RUNX2: variants seen among roughly 807,000 people sequenced by gnomAD.
The protein encoded by RUNX2 is RUNX family transcription factor 2.
RUNX2 carries 10 observed loss-of-function variants against 51.7 expected under a neutral mutation model. The ratio of observed to expected loss-of-function variants is 0.19; its 90% CI spans 0.12 to 0.33. RUNX2 has a LOEUF of 0.33. RUNX2 is among the 10% of genes least tolerant of loss of function. The pLI, the probability that RUNX2 is intolerant of heterozygous loss-of-function variation, is 1.00. For synonymous variants in RUNX2, 276 were observed against 273.6 expected, an observed-to-expected ratio of 1.01 and a Z score of -0.09; for missense variants, 562 against 691.3, an observed-to-expected ratio of 0.81 and a Z score of 2.10.
At chr6:45,542,061 T>A (rs1169183430) in intron 7 of RUNX2, among the ~76,000 whole-genome samples, 1 of 151,554 alleles carries the variant, frequency 6.6e-6, no homozygotes, top group African/African-American at 2.4e-5. Flanking sequence ...GAGCCAAACG[T>A]GACTCAGGAT....
intron 2 of RUNX2, among the ~76,000 whole-genome samples, chr6:45,333,002 T>TA (rs1787819388): frequency 6.6e-6 from 1 of 151,660 alleles, no homozygotes; most frequent in Non-Finnish European, 1.5e-5. Context: ...AAAACTCCCA[T>TA]AATAAAGATA....
intron 7 of RUNX2, among the ~76,000 whole-genome samples, chr6:45,539,554 T>G (rs1396194783): frequency 1.3e-5 from 2 of 152,214 alleles, no homozygotes; most frequent in Non-Finnish European, 2.9e-5. Context: ...TGATGGATAG[T>G]TGGTCATTTT....
At chr6:45,336,186 A>C (rs908559079) in intron 2 of RUNX2, among the ~76,000 whole-genome samples, 6 of 150,486 alleles carry the variant, frequency 4.0e-5, no homozygotes, top group African/African-American at 1.5e-4. Flanking sequence ...AGGAAAACTT[A>C]ACATTTTAAA....
intron 7 of RUNX2, among the ~76,000 whole-genome samples, chr6:45,539,699 C>T (rs749501060): frequency 6.6e-6 from 1 of 152,090 alleles, no homozygotes; most frequent in Non-Finnish European, 1.5e-5. Context: ...GCATTTCTAC[C>T]TCTGTCGTGT....
chr6:45,430,276 A>G (rs1220130336), intron 3 of RUNX2, among the ~76,000 whole-genome samples: 1 of 152,108 alleles, frequency 6.6e-6, no homozygotes, highest in Admixed American at 6.6e-5. Context: ...TAAAGTAGTC[A>G]TAGACCATTA....
rs1798550367 is a variant in RUNX2 at position 45,431,843 on chromosome 6, G to A, written c.424-20G>A. 4 of 1,613,646 alleles carry A rather than the reference G, an allele frequency of 2.5e-6. No individual in the cohort carries two copies. Among genetic ancestry groups the A allele is most frequent in the South Asian group, 1.1e-5 (1 of 91,066 alleles). On this transcript the variant is annotated intron_variant, in intron 3 of 8. Coordinates refer to ENST00000647337, the MANE Select transcript of RUNX2 (RefSeq NM_001024630.4). ...TTTCTGATGTGCCATTATTGCTGCT[G>A]TGTTTCCTGTTTTATGTAGGTGGTA...
At chr6:45,485,898 C>T (rs1447759811) in intron 5 of RUNX2, among the ~76,000 whole-genome samples, 1 of 151,388 alleles carries the variant, frequency 6.6e-6, no homozygotes. Flanking sequence ...TCAATTGCTC[C>T]CCTGCACTTC....
chr6:45,433,288 A>T (rs1383603770), intron 4 of RUNX2, among the ~76,000 whole-genome samples: 1 of 152,186 alleles, frequency 6.6e-6, no homozygotes, highest in African/African-American at 2.4e-5. Context: ...AGAAGAAAAA[A>T]AGACACATCC....
intron 5 of RUNX2, among the ~76,000 whole-genome samples, chr6:45,441,457 T>TTC (rs1798840603): frequency 6.6e-6 from 1 of 152,236 alleles, no homozygotes. Context: ...TGATAATACC[T>TTC]TCCTCATCAG....
In RUNX2 at chr6:45,549,646, T is replaced by C; in HGVS notation, c.*2341T>C. On this transcript the variant is annotated 3_prime_UTR_variant, in exon 9 of 9. Coordinates refer to ENST00000647337, the MANE Select transcript of RUNX2 (RefSeq NM_001024630.4). ...GCACTTAAAAAAGCCAGTGTCTGGT[T>C]ACACATTTCAATTTTAATTAATTGA... is the stretch of plus-strand genomic sequence containing the variant. 2.9e-6 allele frequency: 1 copy of C among 342,978 alleles called. No homozygotes were observed. Among genetic ancestry groups the C allele is most frequent in the East Asian group, 4.4e-5 (1 of 22,586 alleles). The allele number at this position is 342,978 out of a possible 1,614,324, so 21.2% of individuals were successfully genotyped here.
At chr6:45,545,093 G>T in intron 7 of RUNX2, 124 bp from the exon 8 acceptor site, 1 of 792,906 alleles carries the variant, frequency 1.3e-6, no homozygotes, top group South Asian at 1.5e-5. Flanking sequence ...ATACTAATGA[G>T]GGATGGGAAC....
At chr6:45,400,113 AAGG>A (rs1251995800) in intron 2 of RUNX2, among the ~76,000 whole-genome samples, 1 of 122,316 alleles carries the variant, frequency 8.2e-6, no homozygotes, top group Admixed American at 7.9e-5. Flanking sequence ...GAAGGAAGGA[AAGG>A]AGGAGGGAGG....
At chr6:45,512,609 G>A (rs891944969) in intron 7 of RUNX2, among the ~76,000 whole-genome samples, 8 of 152,156 alleles carry the variant, frequency 5.3e-5, no homozygotes, top group African/African-American at 1.4e-4. Flanking sequence ...CTGAAAATCC[G>A]CTAGAGATGG....
intron 7 of RUNX2, among the ~76,000 whole-genome samples, chr6:45,513,964 A>G (rs893620663): frequency 6.6e-6 from 1 of 152,166 alleles, no homozygotes; most frequent in Non-Finnish European, 1.5e-5. Flanking sequence ...TGCATTTCAT[A>G]CTGAGAGGCT....
At chr6:45,364,073 C>T (rs1191567647) in intron 2 of RUNX2, among the ~76,000 whole-genome samples, 4 of 151,228 alleles carry the variant, frequency 2.6e-5, no homozygotes, top group Non-Finnish European at 4.4e-5. Flanking sequence ...CAAGATTGTG[C>T]CACTGCACTA....
Position 45,365,274 on chromosome 6 carries a change from A to G in RUNX2, c.58+36490A>G, listed in dbSNP as rs144497276. The G allele has an allele frequency of 1.9e-6, 3 of 1,611,800 alleles. No individual in the cohort carries two copies. In the African/African-American group the frequency reaches 4.0e-5, roughly 22 times the overall value. On this transcript the variant is annotated intron_variant, in intron 2 of 8. Coordinates refer to ENST00000647337, the MANE Select transcript of RUNX2 (RefSeq NM_001024630.4). ...CTTCCACTACTTGAAGTTGCAGTAGACATTGGACTAGCTGCCGTATTATTC... is the reference window on the plus strand; with the variant it reads ...CTTCCACTACTTGAAGTTGCAGTAGGCATTGGACTAGCTGCCGTATTATTC...
intron 5 of RUNX2, among the ~76,000 whole-genome samples, chr6:45,464,614 T>A (rs1446133032): frequency 1.3e-5 from 2 of 152,194 alleles, no homozygotes; most frequent in African/African-American, 4.8e-5. Flanking sequence ...CCAGCTTAGG[T>A]CAATGTCCGA....
chr6:45,493,423 A>G (rs936634967), intron 6 of RUNX2, among the ~76,000 whole-genome samples: 17 of 152,256 alleles, frequency 1.1e-4, no homozygotes, highest in African/African-American at 4.1e-4. Flanking sequence ...TAAAATTCAC[A>G]CTAACTTGTG....
intron 2 of RUNX2, among the ~76,000 whole-genome samples, chr6:45,370,136 T>C (rs1795809254): frequency 6.6e-6 from 1 of 152,080 alleles, no homozygotes; most frequent in Non-Finnish European, 1.5e-5. Context: ...GAAGCAAGAG[T>C]GCAATCAAGA....
Sources: allele counts gnomAD v4.1 joint callset (sites outside exome capture counted in the v4.1 genomes callset), GRCh38; gene constraint gnomAD v4.1.1; transcripts MANE v1.5; gene names NCBI Gene and HGNC (gene_info 2026-07-23, HGNC 2026-07-21).